Variants in POLA2 observed in about 807,000 individuals in gnomAD.
POLA2 encodes DNA polymerase alpha 2, accessory subunit.
POLA2 carries 47 observed loss-of-function variants against 82.8 expected under a neutral mutation model. That is an observed-to-expected ratio of 0.57 (90% CI 0.45 to 0.72). POLA2 has a LOEUF of 0.72. Ranked by LOEUF, POLA2 falls within the 30% of genes least tolerant of loss-of-function variation. POLA2 has a pLI of 0.00. For synonymous variants in POLA2, 287 were observed against 286.8 expected, an observed-to-expected ratio of 1.00 and a Z score of -0.01; for missense variants, 634 against 728.1, an observed-to-expected ratio of 0.87 and a Z score of 1.49.
intron 14 of POLA2, 90 bp from the exon 15 acceptor site, chr11:65,294,456 C>A (rs2137591119): frequency 8.5e-7 from 1 of 1,171,426 alleles, no homozygotes; most frequent in Non-Finnish European, 1.3e-6. Flanking sequence ...TTTCCGTGGT[C>A]TCCCCAGCCC....
chr11:65,290,705 C>T (rs1209075535), intron 13 of POLA2, among the ~76,000 whole-genome samples: 2 of 152,228 alleles, frequency 1.3e-5, no homozygotes, highest in African/African-American at 2.4e-5. Flanking sequence ...TCTTTCTCTT[C>T]TATACTTAGT....
In POLA2 at chr11:65,278,924, G is replaced by T; in HGVS notation, c.655+1G>T. 5 of 1,612,512 alleles carry T rather than the reference G, an allele frequency of 3.1e-6. No homozygotes were observed. The highest frequency in any genetic ancestry group is 4.2e-6 in the Non-Finnish European group (5 of 1,179,756). ...CAGAAGCTCCCAGACATTCGAGAAGGTGATTGTTTTTCCCTTTGAAATTCT... is the reference window on the plus strand; with the variant it reads ...CAGAAGCTCCCAGACATTCGAGAAGTTGATTGTTTTTCCCTTTGAAATTCT... On this transcript the variant is annotated splice_donor_variant, in intron 6 of 17. Transcript: ENST00000265465. LOFTEE classifies it high-confidence loss of function.
Position 65,282,509 on chromosome 11 carries a change from G to A in POLA2, c.994G>A (p.Glu332Lys). Residue 332 changes from glutamate (E) to lysine (K), a missense_variant, in exon 10 of 18, where the codon GAA becomes AAA. Physicochemically the swap from Glu to Lys is moderately conservative, Grantham distance 56. Coordinates refer to ENST00000265465, the MANE Select transcript of POLA2 (RefSeq NM_002689.4). ...GCCACTTCCATTTTATCAGCCCACT[G>A]AAGAGGATGCAGGTGAGTTTCGGTT... Reference protein sequence around the residue: ...GVPLPFYQPTEEDADFEQSMV... With the variant: ...GVPLPFYQPTKEDADFEQSMV... The A allele has an allele frequency of 6.2e-7, 1 of 1,613,650 alleles. No individual in the cohort carries two copies. The highest frequency in any genetic ancestry group is 1.1e-5 in the South Asian group (1 of 91,060).
rs768761497 is a variant in POLA2 at position 65,262,119 on chromosome 11, G to C, written c.-174G>C. 2 of 592,202 alleles carry C rather than the reference G, an allele frequency of 3.4e-6. No individual in the cohort carries two copies. Among genetic ancestry groups the C allele is most frequent in the Admixed American group, 6.3e-5 (2 of 31,560 alleles). 36.7% of individuals were successfully genotyped at this position (592,202 alleles called of 1,614,324 possible). ...AAAAAGTATTTCTCTGTGACCGACG[G>C]CCGGGGCCTTCTGACGGTCTGAGGT... On this transcript the variant is annotated 5_prime_UTR_variant, in exon 1 of 18. Coordinates refer to ENST00000265465, the MANE Select transcript of POLA2 (RefSeq NM_002689.4).
chr11:65,276,005 A>T lies in POLA2; in HGVS notation c.461+7A>T, dbSNP rs1164099826. The T allele has an allele frequency of 6.5e-7, 1 of 1,535,050 alleles. No homozygotes were observed. Among genetic ancestry groups the T allele is most frequent in the Non-Finnish European group, 8.9e-7 (1 of 1,121,802 alleles). On this transcript the variant is annotated splice_region_variant and intron_variant, in intron 5 of 17. Transcript: ENST00000265465. ...CGTCAAGTTTCTCTCCAAGGTATGG[A>T]TCATAATTCATTCAAGTGCCATAAA...
intron 13 of POLA2, among the ~76,000 whole-genome samples, chr11:65,290,326 CAGG>C (rs1949741759): frequency 6.7e-6 from 1 of 149,522 alleles, no homozygotes. Flanking sequence ...CACCTGAGGT[CAGG>C]AGTTCAAGAC....
At chr11:65,268,035 C>T (rs528972748) in intron 3 of POLA2, among the ~76,000 whole-genome samples, 10 of 152,000 alleles carry the variant, frequency 6.6e-5, no homozygotes, top group South Asian at 2.1e-4. Context: ...TCAGGTGATC[C>T]GCCTGCCTAG....
chr11:65,279,513 C>CT (rs35778465), intron 6 of POLA2, 25 bp from the exon 7 acceptor site: 244,634 of 1,489,032 alleles, frequency 0.16, 23,812 homozygotes, highest in African/African-American at 0.43. Context: ...AAACATAATA[C>CT]TTTTTTCCAC....
At chr11:65,282,400 C>A in intron 9 of POLA2, 79 bp from the exon 10 acceptor site, 1 of 1,230,506 alleles carries the variant, frequency 8.1e-7, no homozygotes, top group South Asian at 1.2e-5. Context: ...TGCACCACCC[C>A]CAACCTGGTG....
At chr11:65,277,998 A>G (rs1216794271) in intron 5 of POLA2, among the ~76,000 whole-genome samples, 1 of 152,220 alleles carries the variant, frequency 6.6e-6, no homozygotes, top group African/African-American at 2.4e-5. Flanking sequence ...GCAGAGTTTC[A>G]GTGCATTAAA....
At chr11:65,265,730 A>C (rs977664032) in intron 1 of POLA2, among the ~76,000 whole-genome samples, 8 of 152,068 alleles carry the variant, frequency 5.3e-5, no homozygotes, top group African/African-American at 1.9e-4. Flanking sequence ...TGCCCACCTC[A>C]ACCTCACAAA....
intron 4 of POLA2, among the ~76,000 whole-genome samples, chr11:65,275,288 C>CT (rs1949564841): frequency 6.7e-6 from 1 of 148,268 alleles, no homozygotes; most frequent in African/African-American, 2.5e-5. Flanking sequence ...TTATCCTAGA[C>CT]TTTAGGGAGC....
chr11:65,296,059 C>T, intron 17 of POLA2, 69 bp downstream of exon 17: 2 of 1,566,358 alleles, frequency 1.3e-6, no homozygotes, highest in South Asian at 1.1e-5. Flanking sequence ...TCTAGACCAC[C>T]CGGCACTCAC....
At chr11:65,268,955 A>G (rs980376109) in intron 4 of POLA2, among the ~76,000 whole-genome samples, 2 of 152,236 alleles carry the variant, frequency 1.3e-5, no homozygotes, top group African/African-American at 2.4e-5. Context: ...AAACATTTCT[A>G]TAAACATAAT....
intron 10 of POLA2, among the ~76,000 whole-genome samples, chr11:65,285,738 G>A (rs996234693): frequency 1.3e-5 from 2 of 152,266 alleles, no homozygotes; most frequent in Admixed American, 1.3e-4. Flanking sequence ...AGTTTAACAG[G>A]TTGTTAATGA....
chr11:65,284,127 C>CTAGATAGA (rs60541542), intron 10 of POLA2, among the ~76,000 whole-genome samples: 2,849 of 143,154 alleles, frequency 0.02, 35 homozygotes, highest in African/African-American at 0.021. Flanking sequence ...GAGTAAGACA[C>CTAGATAGA]TAGATAGATA....
chr11:65,305,353 A>C (rs1392861481), intron 8 of POLA2: 3 of 456,030 alleles, frequency 6.6e-6, no homozygotes, highest in African/African-American at 6.0e-5. Flanking sequence ...ACTACACCCA[A>C]ATTCCTTTGT....
chr11:65,262,704 C>G (rs1379610465), intron 1 of POLA2, among the ~76,000 whole-genome samples: 2 of 152,018 alleles, frequency 1.3e-5, no homozygotes, highest in Non-Finnish European at 2.9e-5. Flanking sequence ...GTTGAAGCCC[C>G]GGTAACAAAG....
intron 4 of POLA2, among the ~76,000 whole-genome samples, chr11:65,269,980 C>T (rs1301690398): frequency 6.6e-6 from 1 of 152,110 alleles, no homozygotes; most frequent in Non-Finnish European, 1.5e-5. Flanking sequence ...TACAGGCATG[C>T]GCCACTACGG....
Sources: gnomAD v4.1 joint callset for allele counts (sites outside exome capture counted in the v4.1 genomes callset) on GRCh38, gnomAD v4.1.1 for gene constraint, MANE v1.5 for transcripts, NCBI Gene and HGNC (gene_info 2026-07-23, HGNC 2026-07-21) for gene names.